ME1: variants seen among roughly 807,000 people sequenced by gnomAD.
ME1 encodes the protein NADP-dependent malic enzyme.
A neutral mutation model predicts 66.4 loss-of-function variants in ME1; 74 were observed. The ratio of observed to expected loss-of-function variants is 1.11; its 90% CI spans 0.92 to 1.35. The LOEUF is 1.35. Ranked by LOEUF, ME1 falls within the 40% of genes most tolerant of loss-of-function variation. ME1 has a pLI of 0.00. For missense variants in ME1, 750 were observed against 694.1 expected, an observed-to-expected ratio of 1.08 and a Z score of -0.90; for synonymous variants, 251 against 235.6, an observed-to-expected ratio of 1.07 and a Z score of -0.60.
chr6:83,331,328 G>A lies in ME1; in HGVS notation c.600+14845C>T, dbSNP rs1195477528. Among the ~76,000 whole-genome samples, 7 of 152,082 alleles carry A rather than the reference G, an allele frequency of 4.6e-5. No homozygotes were observed. In the South Asian group the frequency reaches 6.2e-4, roughly 14 times the overall value. On this transcript the variant is annotated intron_variant, in intron 5 of 13. Transcript: ENST00000369705. ...AAATTGGCCGGGTGCGGTGGCTCAC[G>A]TCTGTAATCCCAGCACTTTGGGAGG...
intron 3 of ME1, among the ~76,000 whole-genome samples, chr6:83,362,232 T>G (rs984876101): frequency 3.3e-5 from 5 of 152,326 alleles, no homozygotes; most frequent in African/African-American, 1.2e-4. Context: ...TAGGTTTGGC[T>G]GGATGGTCAG....
At chr6:83,308,048 A>T (rs1767858360) in intron 6 of ME1, among the ~76,000 whole-genome samples, 1 of 152,186 alleles carries the variant, frequency 6.6e-6, no homozygotes, top group South Asian at 2.1e-4. Flanking sequence ...CAGCAAAAAA[A>T]GCATAATTGT....
At chr6:83,340,681 A>ATTT (rs59194661) in intron 5 of ME1, among the ~76,000 whole-genome samples, 40 of 146,966 alleles carry the variant, frequency 2.7e-4, no homozygotes, top group African/African-American at 9.2e-4. Context: ...GTTATGTGCT[A>ATTT]TTTTTTTTTT....
At chr6:83,340,617 G>C (rs1768561289) in intron 5 of ME1, among the ~76,000 whole-genome samples, 1 of 151,740 alleles carries the variant, frequency 6.6e-6, no homozygotes, top group South Asian at 2.1e-4. Context: ...AACACCACTA[G>C]TAAGTGGTGA....
intron 4 of ME1, among the ~76,000 whole-genome samples, chr6:83,349,629 C>T (rs1390396319): frequency 6.6e-6 from 1 of 152,162 alleles, no homozygotes; most frequent in African/African-American, 2.4e-5. Context: ...AAATGCAGAA[C>T]CTTTGCATCT....
Position 83,299,332 on chromosome 6 carries a change from G to C in ME1, c.704+15978C>G, listed in dbSNP as rs142067788. Among the ~76,000 whole-genome samples the C allele has an allele frequency of 1.3e-4, 20 of 152,176 alleles. No homozygotes were observed. In the East Asian group the frequency reaches 3.9e-3, roughly 29 times the overall value. ...AAGAGGTCCTTCGCTTTCCTTGCTAGCTGTATTCCTAGATATTTTATTCTC... is the reference window on the plus strand; with the variant it reads ...AAGAGGTCCTTCGCTTTCCTTGCTACCTGTATTCCTAGATATTTTATTCTC... On this transcript the variant is annotated intron_variant, in intron 6 of 13. Transcript: ENST00000369705.
intron 3 of ME1, among the ~76,000 whole-genome samples, chr6:83,374,996 T>C (rs1035517899): frequency 3.9e-5 from 6 of 152,194 alleles, no homozygotes; most frequent in African/African-American, 1.2e-4. Flanking sequence ...GTTGTTACCA[T>C]AGCCTTGTAG....
chr6:83,325,975 GCAT>G (rs1768282628), intron 5 of ME1, among the ~76,000 whole-genome samples: 1 of 149,956 alleles, frequency 6.7e-6, no homozygotes, highest in African/African-American at 2.4e-5. Context: ...AAAGCTGGAG[GCAT>G]CATGCTACCT....
intron 3 of ME1, among the ~76,000 whole-genome samples, chr6:83,390,331 T>G (rs1025614098): frequency 5.3e-5 from 8 of 152,212 alleles, no homozygotes; most frequent in African/African-American, 1.9e-4. Flanking sequence ...ATAAGGGGTA[T>G]AATTCTCCTC....
Position 83,211,091 on chromosome 6 carries a change from AG to A in ME1, c.*832del, listed in dbSNP as rs1789862181. The stretch of plus-strand genomic sequence containing the variant: ...CAGTTCCTCAGGCAGCCCTTTCTCA[AG>A]GATCTTAACTATATACTCTCCTTTC... On this transcript the variant is annotated 3_prime_UTR_variant, in exon 14 of 14. Transcript: ENST00000369705. 6.6e-6 allele frequency: 1 copy of A among 152,186 alleles called. No individual in the cohort carries two copies. Among genetic ancestry groups the A allele is most frequent in the Admixed American group, 6.5e-5 (1 of 15,268 alleles). The allele number at this position is 152,186 out of a possible 1,614,324, so 9.4% of individuals were successfully genotyped here. A position where few individuals can be genotyped will look rare whatever the true frequency, so the allele number is the denominator to read the frequency against.
chr6:83,339,553 AAG>A (rs1768532393), intron 5 of ME1, among the ~76,000 whole-genome samples: 1 of 21,666 alleles, frequency 4.6e-5, no homozygotes, highest in Non-Finnish European at 9.5e-5. Flanking sequence ...CACAATAGCA[AAG>A]ACTTGGAACC....
intron 6 of ME1, among the ~76,000 whole-genome samples, chr6:83,310,784 C>A (rs1276998682): frequency 6.6e-6 from 1 of 152,140 alleles, no homozygotes; most frequent in South Asian, 2.1e-4. Flanking sequence ...TAATTGCCAA[C>A]AAGAAAGCCA....
At chr6:83,219,688 C>T (rs1429328210) in intron 12 of ME1, among the ~76,000 whole-genome samples, 2 of 151,946 alleles carry the variant, frequency 1.3e-5, no homozygotes, top group Admixed American at 6.6e-5. Context: ...ATTCTGCCGC[C>T]TCAGACTCCC....
intron 6 of ME1, among the ~76,000 whole-genome samples, chr6:83,275,249 G>A (rs1252028571): frequency 2.6e-5 from 4 of 151,616 alleles, no homozygotes; most frequent in East Asian, 4.0e-4. Context: ...CAGGAGAATC[G>A]CTGGAACCTG....
intron 3 of ME1, among the ~76,000 whole-genome samples, chr6:83,358,259 C>T (rs146362983): frequency 3.9e-5 from 6 of 151,962 alleles, no homozygotes; most frequent in East Asian, 3.9e-4. Context: ...TTGACACTCC[C>T]GATTCATCAC....
In ME1 at chr6:83,211,850, A is replaced by T; in HGVS notation, c.*74T>A. Reference sequence around the variant, plus strand: ...TCTAAGTGTCTTATGAATCATTATAAAAGATTCCAACCTTTAAAAATTATG... The same window carrying T: ...TCTAAGTGTCTTATGAATCATTATATAAGATTCCAACCTTTAAAAATTATG... On this transcript the variant is annotated 3_prime_UTR_variant, in exon 14 of 14. Coordinates refer to ENST00000369705, the MANE Select transcript of ME1 (RefSeq NM_002395.6). 9.7e-7 allele frequency: 1 copy of T among 1,032,206 alleles called. No individual in the cohort carries two copies. The highest frequency in any genetic ancestry group is 1.3e-6 in the Non-Finnish European group (1 of 760,168). The allele number at this position is 1,032,206 out of a possible 1,614,324, so 63.9% of individuals were successfully genotyped here.
intron 10 of ME1, among the ~76,000 whole-genome samples, chr6:83,228,492 C>T (rs1790240165): frequency 6.6e-6 from 1 of 152,132 alleles, no homozygotes; most frequent in Non-Finnish European, 1.5e-5. Flanking sequence ...CTCAAAGCTT[C>T]CAGACATTGC....
At chr6:83,405,709 TGTTGTTGTTGTTG>T in intron 2 of ME1, among the ~76,000 whole-genome samples, 4 of 139,890 alleles carry the variant, frequency 2.9e-5, no homozygotes, top group African/African-American at 1.1e-4. Flanking sequence ...GAGTTTTTTT[TGTTGTTGTTGTTG>T]TTTTTTTTTT....
At chr6:83,314,130 G>A (rs1767981432) in intron 6 of ME1, among the ~76,000 whole-genome samples, 1 of 152,160 alleles carries the variant, frequency 6.6e-6, no homozygotes, top group Non-Finnish European at 1.5e-5. Context: ...ATGACTGTCA[G>A]TGTGATAAAA....
Sources: gnomAD v4.1 joint callset for allele counts (sites outside exome capture counted in the v4.1 genomes callset) on GRCh38, gnomAD v4.1.1 for gene constraint, MANE v1.5 for transcripts, NCBI Gene and HGNC (gene_info 2026-07-23, HGNC 2026-07-21) for gene names.